Variants in ANKS1B observed in about 807,000 individuals in gnomAD.
The protein encoded by ANKS1B is ankyrin repeat and sterile alpha motif domain containing 1B.
A neutral mutation model predicts 148.3 loss-of-function variants in ANKS1B; 36 were observed. The observed-to-expected ratio is 0.24, with a 90% CI of 0.19 to 0.32. The LOEUF is 0.32. Among genes scored for constraint, ANKS1B ranks in the 10% least tolerant of loss-of-function variants. The pLI, the probability that ANKS1B is intolerant of heterozygous loss-of-function variation, is 1.00. For missense variants in ANKS1B, 1,157 were observed against 1,542.6 expected (o/e 0.75, Z 4.19); for synonymous variants, 542 against 560.8 (o/e 0.97, Z 0.47).
At chr12:99,360,087 G>A (rs991870644) in intron 12 of ANKS1B, among the ~76,000 whole-genome samples, 6 of 152,018 alleles carry the variant, frequency 3.9e-5, no homozygotes, top group African/African-American at 1.4e-4. Context: ...ACTTTGAATT[G>A]GAATTTTTGC....
intron 17 of ANKS1B, among the ~76,000 whole-genome samples, chr12:98,898,600 C>G (rs891027145): frequency 5.3e-5 from 8 of 152,080 alleles, no homozygotes; most frequent in Non-Finnish European, 1.0e-4. Flanking sequence ...CTGTGATGCA[C>G]CAGGATATTG....
chr12:99,739,922 A>G (rs1179867486), intron 8 of ANKS1B, among the ~76,000 whole-genome samples: 1 of 152,132 alleles, frequency 6.6e-6, no homozygotes, highest in Admixed American at 6.5e-5. Flanking sequence ...AGCACTTATC[A>G]TCTTTATCAT....
intron 12 of ANKS1B, among the ~76,000 whole-genome samples, chr12:99,355,464 T>C (rs1196532269): frequency 1.3e-5 from 2 of 152,170 alleles, no homozygotes; most frequent in African/African-American, 2.4e-5. Context: ...TAGTTGTCTT[T>C]TGACTAAAAG....
At chr12:98,747,630 G>A (rs1326903621) in intron 26 of ANKS1B, among the ~76,000 whole-genome samples, 2 of 152,150 alleles carry the variant, frequency 1.3e-5, no homozygotes, top group Non-Finnish European at 2.9e-5. Flanking sequence ...AAAGAAATCA[G>A]TATATCAAAG....
intron 16 of ANKS1B, among the ~76,000 whole-genome samples, chr12:99,082,141 A>G (rs184835708): frequency 6.0e-4 from 91 of 152,328 alleles, no homozygotes; most frequent in Non-Finnish European, 1.1e-3. Flanking sequence ...GGATATATAG[A>G]AAAGAGAATA....
chr12:98,847,806 G>C (rs1279371400), intron 17 of ANKS1B, among the ~76,000 whole-genome samples: 2 of 152,076 alleles, frequency 1.3e-5, no homozygotes, highest in African/African-American at 4.8e-5. Flanking sequence ...ATGTTGGTCA[G>C]GCTGGTCTCA....
intron 10 of ANKS1B, among the ~76,000 whole-genome samples, chr12:99,495,472 T>A (rs1471620838): frequency 6.6e-6 from 1 of 152,112 alleles, no homozygotes; most frequent in African/African-American, 2.4e-5. Context: ...ACTGTCCATA[T>A]GGATGAAGGA....
chr12:99,854,074 G>T (rs527890305), intron 1 of ANKS1B, among the ~76,000 whole-genome samples: 3 of 152,174 alleles, frequency 2.0e-5, no homozygotes. Context: ...GCAGTGGTGC[G>T]ATCTCGGCTC....
chr12:99,265,424 C>T (rs777656796), intron 12 of ANKS1B, among the ~76,000 whole-genome samples: 16 of 152,046 alleles, frequency 1.1e-4, no homozygotes, highest in Non-Finnish European at 1.9e-4. Context: ...CATTAATGCA[C>T]ATTCTTAGGC....
At chr12:99,628,777 C>T (rs2098132394) in intron 9 of ANKS1B, among the ~76,000 whole-genome samples, 1 of 152,096 alleles carries the variant, frequency 6.6e-6, no homozygotes, top group Admixed American at 6.6e-5. Context: ...GGTGAGAGAG[C>T]AAGAGCAGAG....
At chr12:98,749,330 A>G (rs1342696383) in intron 26 of ANKS1B, among the ~76,000 whole-genome samples, 2 of 151,420 alleles carry the variant, frequency 1.3e-5, no homozygotes, top group African/African-American at 2.4e-5. Context: ...GAGAATCTCG[A>G]TCTCCTGACC....
chr12:99,511,270 AATCATGAATGAACTGCCAC>A (rs1177275498), intron 9 of ANKS1B, among the ~76,000 whole-genome samples: 4 of 151,956 alleles, frequency 2.6e-5, no homozygotes, highest in Admixed American at 6.6e-5. Context: ...TCTGCAGGCA[AATCATGAATGAACTGCCAC>A]ATCATGAATG....
intron 14 of ANKS1B, among the ~76,000 whole-genome samples, chr12:99,235,425 T>C (rs1488396635): frequency 3.9e-5 from 6 of 152,162 alleles, no homozygotes; most frequent in Non-Finnish European, 8.8e-5. Flanking sequence ...AGCCACTCTA[T>C]CTTTGAATAA....
At chr12:99,610,461 T>C (rs1567470183) in intron 9 of ANKS1B, among the ~76,000 whole-genome samples, 1 of 151,870 alleles carries the variant, frequency 6.6e-6, no homozygotes, top group Non-Finnish European at 1.5e-5. Flanking sequence ...CACAGAAAGG[T>C]GGGGAAAGGT....
At chr12:99,897,338 C>G (rs530394277) in intron 1 of ANKS1B, among the ~76,000 whole-genome samples, 1 of 150,930 alleles carries the variant, frequency 6.6e-6, no homozygotes, top group Non-Finnish European at 1.5e-5. Flanking sequence ...TCATTGTACA[C>G]AAAATGAGTA....
chr12:98,936,904 G>A lies in ANKS1B; in HGVS notation c.2779-104768C>T, dbSNP rs145461362. Among the ~76,000 whole-genome samples, 403 of 152,340 alleles carry A rather than the reference G, an allele frequency of 2.6e-3. 2 individuals are homozygous for A. The highest frequency in any genetic ancestry group is 9.1e-3 in the African/African-American group (379 of 41,576). On this transcript the variant is annotated intron_variant, in intron 17 of 26. Transcript: ENST00000683438. ...AGGAGTATAACTCAGTGGAGATGATGTGGGATGGTAGGTGGAATGCTGGCC... is the reference window on the plus strand; with the variant it reads ...AGGAGTATAACTCAGTGGAGATGATATGGGATGGTAGGTGGAATGCTGGCC...
chr12:99,101,040 C>A (rs1453389845), intron 15 of ANKS1B, among the ~76,000 whole-genome samples: 1 of 152,128 alleles, frequency 6.6e-6, no homozygotes, highest in Non-Finnish European at 1.5e-5. Context: ...GCAGCATGAA[C>A]AAGGGCAATG....
intron 8 of ANKS1B, among the ~76,000 whole-genome samples, chr12:99,659,358 C>G (rs1363566107): frequency 6.6e-6 from 1 of 152,010 alleles, no homozygotes; most frequent in Non-Finnish European, 1.5e-5. Flanking sequence ...TACTGGAGAA[C>G]AAACTCTGTT....
intron 9 of ANKS1B, among the ~76,000 whole-genome samples, chr12:99,595,102 AG>A (rs1215177872): frequency 2.0e-5 from 3 of 152,044 alleles, no homozygotes; most frequent in African/African-American, 7.2e-5. Flanking sequence ...TCAGTGAAAT[AG>A]AGACATAAAT....
Sources: gnomAD v4.1 joint callset for allele counts (sites outside exome capture counted in the v4.1 genomes callset) on GRCh38, gnomAD v4.1.1 for gene constraint, MANE v1.5 for transcripts, NCBI Gene and HGNC (gene_info 2026-07-23, HGNC 2026-07-21) for gene names.